The following ZC3H8 variants were observed in gnomAD, a reference collection of about 807,000 sequenced individuals.
ZC3H8 encodes zinc finger CCCH-type containing 8.
In ZC3H8, 27 loss-of-function variants were observed where a neutral mutation model predicts 42.5. The ratio of observed to expected loss-of-function variants is 0.64; its 90% CI spans 0.47 to 0.88. The LOEUF (loss-of-function observed/expected upper bound fraction) is 0.88. Ranked by LOEUF, ZC3H8 falls within the 40% of genes least tolerant of loss-of-function variation. The pLI, the probability that ZC3H8 is intolerant of heterozygous loss-of-function variation, is 0.00. For missense variants in ZC3H8, 277 were observed against 336.1 expected (o/e 0.82, Z 1.37); for synonymous variants, 101 against 110.1 (o/e 0.92, Z 0.52).
At chr2:112,244,863 G>A (rs1418254735) in intron 2 of ZC3H8, among the ~76,000 whole-genome samples, 1 of 152,066 alleles carries the variant, frequency 6.6e-6, no homozygotes, top group African/African-American at 2.4e-5. Context: ...CTCCCCTCAG[G>A]CTTCCCTATT....
intron 8 of ZC3H8, among the ~76,000 whole-genome samples, chr2:112,228,717 C>T (rs1337071226): frequency 6.6e-6 from 1 of 151,874 alleles, no homozygotes; most frequent in Admixed American, 6.6e-5. Flanking sequence ...AAGCATGATC[C>T]ATAGAAGAGA....
intron 7 of ZC3H8, among the ~76,000 whole-genome samples, chr2:112,231,165 A>G (rs1685072901): frequency 6.6e-6 from 1 of 152,174 alleles, no homozygotes; most frequent in African/African-American, 2.4e-5. Context: ...TATTTGGTAC[A>G]ACTTCTAATT....
intron 4 of ZC3H8, 32 bp from the exon 5 acceptor site, chr2:112,234,268 A>G: frequency 7.0e-7 from 1 of 1,431,614 alleles, no homozygotes; most frequent in South Asian, 1.3e-5. Context: ...AACTAAATGT[A>G]AGAAACAGAA....
At chr2:112,225,672 C>T (rs1684791057) in intron 8 of ZC3H8, among the ~76,000 whole-genome samples, 1 of 152,106 alleles carries the variant, frequency 6.6e-6, no homozygotes, top group Admixed American at 6.6e-5. Context: ...CAAAAATTAG[C>T]TGGGCATGGT....
chr2:112,255,028 A>G lies in ZC3H8; in HGVS notation c.-47T>C. 3.9e-6 allele frequency: 6 copies of G among 1,555,272 alleles called. No homozygotes were observed. The highest frequency in any genetic ancestry group is 1.2e-5 in the South Asian group (1 of 85,002). On this transcript the variant is annotated 5_prime_UTR_variant, in exon 1 of 9. Transcript: ENST00000409573. ...TCGCGAGCCGGGAAGCTACAGAGTAACAACCCGAGAGAGTGACAACCCGGA... is the reference window on the plus strand; with the variant it reads ...TCGCGAGCCGGGAAGCTACAGAGTAGCAACCCGAGAGAGTGACAACCCGGA...
intron 1 of ZC3H8, 98 bp from the exon 2 acceptor site, chr2:112,250,370 AC>A: frequency 1.4e-6 from 1 of 727,522 alleles, no homozygotes. Context: ...TCTTCAACTT[AC>A]CCTCAAAGAA....
In ZC3H8 at chr2:112,231,851, T is replaced by A; in HGVS notation, c.830A>T (p.Glu277Val). ...SHAPLTPETQ[E>V]LLAKVLDTEK... ...AATTATACTTACTTTAGCCAACAAT[T>A]CTTGTGTTTCAGGAGTCAGTGGAGC... The change falls in exon 7 of 9, where the codon GAA (glutamate) becomes GTA (valine). Residue 277 changes from glutamate (E) to valine (V), a missense_variant. Physicochemically the swap from Glu to Val is moderately radical, Grantham distance 121. Transcript: ENST00000409573. The A allele has an allele frequency of 6.3e-7, 1 of 1,580,768 alleles. No individual in the cohort carries two copies. Among genetic ancestry groups the A allele is most frequent in the Non-Finnish European group, 8.6e-7 (1 of 1,160,942 alleles).
chr2:112,220,579 C>G (rs1042563636), intron 8 of ZC3H8, among the ~76,000 whole-genome samples: 1 of 152,092 alleles, frequency 6.6e-6, no homozygotes, highest in Non-Finnish European at 1.5e-5. Context: ...CCCAGCACTT[C>G]AGGAGGCCAA....
At chr2:112,239,647 C>T (rs538601263) in intron 2 of ZC3H8, among the ~76,000 whole-genome samples, 15 of 141,842 alleles carry the variant, frequency 1.1e-4, no homozygotes, top group African/African-American at 1.6e-4. Flanking sequence ...TGCAGTGGCA[C>T]GATCTTGGCT....
intron 8 of ZC3H8, among the ~76,000 whole-genome samples, chr2:112,222,636 G>A (rs1472446005): frequency 6.6e-6 from 1 of 152,042 alleles, no homozygotes; most frequent in Admixed American, 6.6e-5. Context: ...CTGTCAAAAA[G>A]GACAAACTGT....
chr2:112,250,879 T>C (rs1169764275), intron 1 of ZC3H8, among the ~76,000 whole-genome samples: 1 of 152,174 alleles, frequency 6.6e-6, no homozygotes. Context: ...CACATTTAAG[T>C]GTAAAGATGA....
At chr2:112,221,772 T>C (rs920798605) in intron 8 of ZC3H8, among the ~76,000 whole-genome samples, 1 of 152,172 alleles carries the variant, frequency 6.6e-6, no homozygotes, top group Non-Finnish European at 1.5e-5. Context: ...TATTGTTTTA[T>C]TGTAATCCTT....
At position 112,250,214 on chromosome 2, in the gene ZC3H8, C is replaced by T; in HGVS notation, c.133G>A (p.Glu45Lys). 3.2e-6 allele frequency: 5 copies of T among 1,568,554 alleles called. No individual in the cohort carries two copies. The highest frequency in any genetic ancestry group is 3.5e-6 in the Non-Finnish European group (4 of 1,155,288). Residue 45 changes from glutamate to lysine, a missense_variant, in exon 2 of 9, where the codon GAG (glutamate) becomes AAG (lysine). Glu to Lys is a moderately conservative substitution (Grantham distance 56, BLOSUM62 1). Transcript: ENST00000409573. The stretch of plus-strand genomic sequence containing the variant: ...ACTTTTTTGGGAATTTGCTCGCACT[C>T]CAGTTTAATTTTCTCTTCTTGTGTT... ...EETQEEKIKL[E>K]CEQIPKKFRH... is the part of the protein sequence containing the mutation.
chr2:112,236,527 G>A, intron 4 of ZC3H8, 35 bp downstream of exon 4: 1 of 1,603,762 alleles, frequency 6.2e-7, no homozygotes, highest in Non-Finnish European at 8.5e-7. Context: ...AAGCATGCAG[G>A]GGTCAGGTAT....
Position 112,216,154 on chromosome 2 carries a change from G to A in ZC3H8, c.*330C>T, listed in dbSNP as rs1219467127. The stretch of plus-strand genomic sequence containing the variant: ...CCTCACTCAGCCTAACCTTGCTTCC[G>A]ATTTTATTAAGGAAATCCAATCAAT... On this transcript the variant is annotated 3_prime_UTR_variant, in exon 9 of 9. Transcript: ENST00000409573. The A allele has an allele frequency of 2.6e-5, 4 of 152,098 alleles. No individual in the cohort carries two copies. The highest frequency in any genetic ancestry group is 4.4e-5 in the Non-Finnish European group (3 of 68,036). The allele number at this position is 152,098 out of a possible 1,614,324, so 9.4% of individuals were successfully genotyped here.
At chr2:112,251,912 T>C (rs544423794) in intron 1 of ZC3H8, among the ~76,000 whole-genome samples, 1 of 152,346 alleles carries the variant, frequency 6.6e-6, no homozygotes, top group Admixed American at 6.5e-5. Context: ...ACATGTTCTT[T>C]ACTTAGCTTC....
intron 1 of ZC3H8, among the ~76,000 whole-genome samples, chr2:112,252,970 C>A (rs1339150223): frequency 6.6e-6 from 1 of 152,048 alleles, no homozygotes; most frequent in South Asian, 2.1e-4. Context: ...GGTGAAACCC[C>A]GTCTCTACTA....
At chr2:112,250,466 T>G (rs1685908342) in intron 1 of ZC3H8, among the ~76,000 whole-genome samples, 194 bp from the exon 2 acceptor site, 2 of 152,242 alleles carry the variant, frequency 1.3e-5, no homozygotes, top group African/African-American at 4.8e-5. Context: ...TATTTATGAA[T>G]AGCCTGTAAA....
At chr2:112,218,041 A>T (rs1684406675) in intron 8 of ZC3H8, among the ~76,000 whole-genome samples, 1 of 152,158 alleles carries the variant, frequency 6.6e-6, no homozygotes, top group South Asian at 2.1e-4. Flanking sequence ...GGCTCATACC[A>T]GCACACCCAG....
Sources: gnomAD v4.1 joint callset for allele counts (sites outside exome capture counted in the v4.1 genomes callset) on GRCh38, gnomAD v4.1.1 for gene constraint, MANE v1.5 for transcripts, NCBI Gene and HGNC (gene_info 2026-07-23, HGNC 2026-07-21) for gene names.